The following ADGRA3 variants were observed in gnomAD, a reference collection of about 807,000 sequenced individuals.
ADGRA3 encodes the protein adhesion G protein-coupled receptor A3.
ADGRA3 carries 56 observed loss-of-function variants against 119.8 expected under a neutral mutation model. The ratio of observed to expected loss-of-function variants is 0.47; its 90% CI spans 0.38 to 0.58. ADGRA3 has a LOEUF of 0.58. Among genes scored for constraint, ADGRA3 ranks in the 20% least tolerant of loss-of-function variants. ADGRA3 has a pLI of 0.00. For missense variants in ADGRA3, 1,516 were observed against 1,649.0 expected, an observed-to-expected ratio of 0.92 and a Z score of 1.40; for synonymous variants, 607 against 623.8, an observed-to-expected ratio of 0.97 and a Z score of 0.40.
intron 4 of ADGRA3, among the ~76,000 whole-genome samples, chr4:22,454,218 T>A (rs1042308320): frequency 2.0e-5 from 3 of 152,116 alleles, no homozygotes; most frequent in African/African-American, 7.2e-5. Context: ...TTATACAAAG[T>A]TCTTCTACAT....
intron 1 of ADGRA3, among the ~76,000 whole-genome samples, chr4:22,484,278 T>C (rs1004501747): frequency 7.2e-5 from 11 of 152,174 alleles, no homozygotes; most frequent in Admixed American, 2.0e-4. Context: ...ATTCTTTTAA[T>C]AGTCATGTAA....
At chr4:22,390,425 ATAC>A in intron 17 of ADGRA3, among the ~76,000 whole-genome samples, 1 of 6,538 alleles carries the variant, frequency 1.5e-4, no homozygotes, top group Non-Finnish European at 3.2e-4. Flanking sequence ...TATATATATA[ATAC>A]GTATTATATA....
At chr4:22,493,789 A>T (rs959627605) in intron 1 of ADGRA3, among the ~76,000 whole-genome samples, 5 of 152,208 alleles carry the variant, frequency 3.3e-5, no homozygotes, top group African/African-American at 1.2e-4. Flanking sequence ...ACAGTTAGGC[A>T]TTCTAAGTCA....
At chr4:22,429,466 G>C (rs1166621533) in intron 10 of ADGRA3, among the ~76,000 whole-genome samples, 2 of 152,164 alleles carry the variant, frequency 1.3e-5, no homozygotes, top group Admixed American at 1.3e-4. Context: ...GGTATGTTTT[G>C]ACTTCCACAC....
At chr4:22,428,424 G>T (rs73800951) in intron 10 of ADGRA3, among the ~76,000 whole-genome samples, 5,587 of 151,836 alleles carry the variant, frequency 0.037, 353 homozygotes, top group African/African-American at 0.13. Flanking sequence ...TGGAGTTTTT[G>T]AGAAAGGCCA....
chr4:22,415,549 GA>G (rs1332928375), intron 12 of ADGRA3, among the ~76,000 whole-genome samples: 1 of 152,024 alleles, frequency 6.6e-6, no homozygotes. Context: ...CACATGCAAA[GA>G]GAGAAAACAG....
At chr4:22,421,881 C>CCAAAAAAAAA (rs767609157) in intron 11 of ADGRA3, among the ~76,000 whole-genome samples, 9 of 70,442 alleles carry the variant, frequency 1.3e-4, no homozygotes, top group African/African-American at 4.5e-4. Context: ...ACTCAGTCTC[C>CCAAAAAAAAA]AAAAAAAAAA....
chr4:22,400,746 G>T (rs1714599629), intron 16 of ADGRA3, among the ~76,000 whole-genome samples: 5 of 151,802 alleles, frequency 3.3e-5, no homozygotes, highest in Admixed American at 3.3e-4. Flanking sequence ...AGGTTAAACA[G>T]ATTGCCCATA....
chr4:22,472,277 C>T (rs1460596849), intron 2 of ADGRA3, among the ~76,000 whole-genome samples: 1 of 152,178 alleles, frequency 6.6e-6, no homozygotes, highest in Non-Finnish European at 1.5e-5. Flanking sequence ...CTGTCTCACA[C>T]AATGATTCAA....
intron 1 of ADGRA3, among the ~76,000 whole-genome samples, chr4:22,513,845 CAAAAAAAAAAAAAA>C (rs59015584): frequency 2.2e-4 from 7 of 31,480 alleles, no homozygotes; most frequent in East Asian, 1.0e-3. Flanking sequence ...AGCTTTCAGG[CAAAAAAAAAAAAAA>C]AAAAAAAAAA....
At chr4:22,467,267 A>T (rs1717693934) in intron 2 of ADGRA3, among the ~76,000 whole-genome samples, 3 of 152,158 alleles carry the variant, frequency 2.0e-5, no homozygotes, top group Admixed American at 2.0e-4. Flanking sequence ...TTCATAATCA[A>T]ATGTTTGATC....
chr4:22,507,047 C>A (rs930381621), intron 1 of ADGRA3, among the ~76,000 whole-genome samples: 3 of 149,608 alleles, frequency 2.0e-5, no homozygotes, highest in African/African-American at 4.9e-5. Flanking sequence ...AGTATCCTTG[C>A]TAACACGATG....
intron 4 of ADGRA3, among the ~76,000 whole-genome samples, chr4:22,450,850 T>C (rs1287582180): frequency 6.6e-6 from 1 of 151,616 alleles, no homozygotes; most frequent in Non-Finnish European, 1.5e-5. Context: ...TGTTAATATG[T>C]TGGTAAATTA....
chr4:22,388,556 T>A lies in ADGRA3; in HGVS notation c.3115A>T (p.Ser1039Cys). The A allele has an allele frequency of 6.2e-7, 1 of 1,614,012 alleles. No homozygotes were observed. The highest frequency in any genetic ancestry group is 8.5e-7 in the Non-Finnish European group (1 of 1,180,010). ...FVFGATSLSF[S>C]AFFVVHHCVN... ...CAATGGTGGACCACGAAGAACGCAC[T>A]GAAGCTTAAACTTGTGGCTCCAAAA... The change falls in exon 19 of 19, where the codon AGT becomes TGT. Residue 1039 changes from serine to cysteine, a missense_variant. Coordinates refer to ENST00000334304, the MANE Select transcript of ADGRA3 (RefSeq NM_145290.4).
At chr4:22,508,645 A>T (rs1326727468) in intron 1 of ADGRA3, among the ~76,000 whole-genome samples, 1 of 152,172 alleles carries the variant, frequency 6.6e-6, no homozygotes, top group Non-Finnish European at 1.5e-5. Flanking sequence ...GATTATAATC[A>T]CTTTGCTCCT....
rs187992140 is a variant in ADGRA3, at chr4:22,503,470, T to C, written c.257+12058A>G. 1.2e-4 allele frequency among the ~76,000 whole-genome samples: 19 copies of C among 152,324 alleles called. No individual in the cohort carries two copies. In the Middle Eastern group the frequency reaches 0.014, roughly 109 times the overall value. ...CTTAAAGAAAGAACATTTCAACAAC[T>C]ATGTTAAAGAACCTGCATTACAGTT... On this transcript the variant is annotated intron_variant, in intron 1 of 18. Coordinates refer to ENST00000334304, the MANE Select transcript of ADGRA3 (RefSeq NM_145290.4).
At chr4:22,420,344 C>T (rs1715604928) in intron 12 of ADGRA3, 1 of 153,140 alleles carries the variant, frequency 6.5e-6, no homozygotes, top group African/African-American at 2.4e-5. Context: ...AGTAAAAATG[C>T]TTTCATTTTG....
chr4:22,426,048 C>T (rs1242492287), intron 10 of ADGRA3, among the ~76,000 whole-genome samples: 1 of 152,178 alleles, frequency 6.6e-6, no homozygotes, highest in East Asian at 1.9e-4. Flanking sequence ...ATACAAGGTT[C>T]CTAAAACCGT....
intron 10 of ADGRA3, among the ~76,000 whole-genome samples, chr4:22,428,661 A>C (rs1162585405): frequency 6.6e-6 from 1 of 152,108 alleles, no homozygotes; most frequent in Non-Finnish European, 1.5e-5. Context: ...AATTTAGTAC[A>C]CTACTGAGAT....
Sources: allele counts gnomAD v4.1 joint callset (sites outside exome capture counted in the v4.1 genomes callset), GRCh38; gene constraint gnomAD v4.1.1; transcripts MANE v1.5; gene names NCBI Gene and HGNC (gene_info 2026-07-23, HGNC 2026-07-21).